The following PBX1 variants were observed in gnomAD, a reference collection of about 807,000 sequenced individuals.
PBX1 encodes pre-B-cell leukemia transcription factor 1.
Under a neutral mutation model 53.4 loss-of-function variants are expected in PBX1, and 6 were observed. The ratio of observed to expected loss-of-function variants is 0.11; its 90% CI spans 0.06 to 0.22. PBX1 has a LOEUF of 0.22. Among genes scored for constraint, PBX1 ranks in the 10% least tolerant of loss-of-function variants. The pLI is 1.00. For missense variants in PBX1, 251 were observed against 551.4 expected (o/e 0.46, Z 5.46); for synonymous variants, 204 against 212.3 (o/e 0.96, Z 0.34).
At chr1:164,708,049 C>G (rs537438825) in intron 2 of PBX1, among the ~76,000 whole-genome samples, 2 of 152,312 alleles carry the variant, frequency 1.3e-5, no homozygotes, top group South Asian at 2.1e-4. Flanking sequence ...TTTTCCACAC[C>G]TGTCCCCATC....
intron 2 of PBX1, among the ~76,000 whole-genome samples, chr1:164,720,934 G>A (rs1006336139): frequency 6.6e-6 from 1 of 152,162 alleles, no homozygotes; most frequent in Non-Finnish European, 1.5e-5. Flanking sequence ...CAGTGACTGT[G>A]CCTTCATTGC....
At chr1:164,834,021 A>G (rs1213513621) in intron 8 of PBX1, among the ~76,000 whole-genome samples, 1 of 102,098 alleles carries the variant, frequency 9.8e-6, no homozygotes, top group African/African-American at 4.0e-5. Flanking sequence ...ATGGGTATAT[A>G]TATGTATATG....
chr1:164,565,558 A>G (rs1429012611), intron 2 of PBX1, among the ~76,000 whole-genome samples: 1 of 152,022 alleles, frequency 6.6e-6, no homozygotes, highest in Non-Finnish European at 1.5e-5. Context: ...AGGGAAGGCA[A>G]AAACCTCTCC....
intron 2 of PBX1, among the ~76,000 whole-genome samples, chr1:164,663,272 G>GCCTGCCTGCCTTCCTA (rs1287246362): frequency 7.1e-6 from 1 of 140,256 alleles, no homozygotes; most frequent in Non-Finnish European, 1.6e-5. Flanking sequence ...CTGCCTGCCT[G>GCCTGCCTGCCTTCCTA]CCTGCCTGCC....
At chr1:164,676,202 A>G (rs1302642235) in intron 2 of PBX1, among the ~76,000 whole-genome samples, 4 of 152,126 alleles carry the variant, frequency 2.6e-5, no homozygotes, top group East Asian at 1.9e-4. Flanking sequence ...CCATGGACCT[A>G]TGAGTGCTAT....
chr1:164,566,280 A>G lies in PBX1; in HGVS notation c.265+2969A>G, dbSNP rs377366522. On this transcript the variant is annotated intron_variant, in intron 2 of 8. Transcript: ENST00000420696. ...AAAACAAAACAAAACAAAAGAACCCATGCATCTTCTTGCTTCAGAATGTGG... is the reference window on the plus strand; with the variant it reads ...AAAACAAAACAAAACAAAAGAACCCGTGCATCTTCTTGCTTCAGAATGTGG... Among the ~76,000 whole-genome samples, 23 of 152,320 alleles carry G rather than the reference A, an allele frequency of 1.5e-4. No homozygotes were observed. The East Asian group carries it at 3.9e-3, about 26-fold the overall frequency.
At chr1:164,761,039 T>C (rs1301673525) in intron 2 of PBX1, among the ~76,000 whole-genome samples, 3 of 152,212 alleles carry the variant, frequency 2.0e-5, no homozygotes, top group Non-Finnish European at 4.4e-5. Context: ...ACCCATCTTT[T>C]TCTTTTTGGT....
At chr1:164,659,462 C>T (rs1660357945) in intron 2 of PBX1, among the ~76,000 whole-genome samples, 1 of 152,178 alleles carries the variant, frequency 6.6e-6, no homozygotes, top group Non-Finnish European at 1.5e-5. Flanking sequence ...CTTAAATCAC[C>T]TTACATAGCA....
intron 2 of PBX1, chr1:164,590,267 G>A (rs1343929173): frequency 6.7e-6 from 3 of 445,420 alleles, no homozygotes; most frequent in Non-Finnish European, 1.4e-5. Context: ...CTTGGCCAGC[G>A]CAACTGGAAA....
Position 164,673,194 on chromosome 1 carries a change from G to A in PBX1, c.265+109883G>A, listed in dbSNP as rs373416441. Among the ~76,000 whole-genome samples the A allele has an allele frequency of 2.0e-5, 3 of 152,202 alleles. No homozygotes were observed. In the East Asian group the frequency reaches 5.8e-4, roughly 29 times the overall value. On this transcript the variant is annotated intron_variant, in intron 2 of 8. Transcript: ENST00000420696. ...TGAAAATGATCATAGTATATGATAT[G>A]TTTTATATTAAGGTTGAAAAAAAAC...
At position 164,870,214 on chromosome 1, in the gene PBX1, TTTCTTTCC is replaced by T. The variant is rs1238357374; in HGVS notation, n.258-28970_258-28963del. 5.7e-3 allele frequency among the ~76,000 whole-genome samples: 472 copies of T among 82,410 alleles called. 31 individuals carry two copies. Among genetic ancestry groups the T allele is most frequent in the East Asian group, 0.02 (37 of 1,852 alleles). The allele number at this position is 82,410 out of a possible 152,430, so 54.1% of individuals were successfully genotyped here. On this transcript the variant is annotated intron_variant and non_coding_transcript_variant, in intron 2 of 2. Transcript: ENST00000558796. ...TGACTTTCTTTCTTTCTTTCTTTTC[TTTCTTTCC>T]TTCCTTCCTTCCTTCCTTCCTTCCT...
chr1:164,595,992 T>A (rs3856209), intron 2 of PBX1, among the ~76,000 whole-genome samples: 10,029 of 152,168 alleles, frequency 0.066, 867 homozygotes, highest in East Asian at 0.41. Flanking sequence ...TAAAAGAAAG[T>A]CTGTTGTTTC....
chr1:164,699,427 T>C (rs1284950613), intron 2 of PBX1, among the ~76,000 whole-genome samples: 3 of 151,712 alleles, frequency 2.0e-5, no homozygotes, highest in Non-Finnish European at 4.4e-5. Flanking sequence ...AGAACAAAGA[T>C]TGTGGATCCC....
At chr1:164,575,350 G>C (rs552113395) in intron 2 of PBX1, among the ~76,000 whole-genome samples, 1 of 152,310 alleles carries the variant, frequency 6.6e-6, no homozygotes, top group South Asian at 2.1e-4. Context: ...TTAGAAAGAT[G>C]TTTGAGTTTC....
intron 2 of PBX1, among the ~76,000 whole-genome samples, chr1:164,653,854 AC>A (rs1659987120): frequency 6.6e-6 from 1 of 151,958 alleles, no homozygotes; most frequent in Non-Finnish European, 1.5e-5. Flanking sequence ...CTTGGAACTT[AC>A]TTGTTTCTTT....
intron 2 of PBX1, among the ~76,000 whole-genome samples, chr1:164,776,960 A>AT (rs1483375034): frequency 4.4e-5 from 4 of 90,758 alleles, no homozygotes; most frequent in African/African-American, 1.5e-4. Context: ...AGAGAGAGAG[A>AT]GAGAGAGAGA....
chr1:164,563,569 T>C lies in PBX1; in HGVS notation c.265+258T>C, dbSNP rs183778509. Among the ~76,000 whole-genome samples the C allele has an allele frequency of 2.8e-3, 432 of 152,308 alleles. 1 individual carries two copies. Among genetic ancestry groups the C allele is most frequent in the Non-Finnish European group, 4.9e-3 (334 of 68,008 alleles). On this transcript the variant is annotated intron_variant, in intron 2 of 8. Transcript: ENST00000420696. The stretch of plus-strand genomic sequence containing the variant: ...CCTTTTTGAGATTGGGGCTAAAATA[T>C]AGATTCTGAAAGGAAATTTATAGAC...
At chr1:164,561,263 G>C (rs966180530) in intron 1 of PBX1, among the ~76,000 whole-genome samples, 1 of 152,220 alleles carries the variant, frequency 6.6e-6, no homozygotes, top group Non-Finnish European at 1.5e-5. Context: ...CGTGAAATAA[G>C]AATCTGAGTT....
At chr1:164,870,491 G>A (rs1033160444) in intron 2 of PBX1, among the ~76,000 whole-genome samples, 3 of 151,760 alleles carry the variant, frequency 2.0e-5, no homozygotes, top group African/African-American at 4.8e-5. Context: ...TTACAGGCAC[G>A]TGCCACCATG....
Sources: gnomAD v4.1 joint callset for allele counts (sites outside exome capture counted in the v4.1 genomes callset) on GRCh38, gnomAD v4.1.1 for gene constraint, MANE v1.5 for transcripts, NCBI Gene and HGNC (gene_info 2026-07-23, HGNC 2026-07-21) for gene names.